Variants in LUZP2 observed in about 807,000 individuals in gnomAD.
LUZP2 encodes the protein leucine zipper protein 2.
Under a neutral mutation model 51.6 loss-of-function variants are expected in LUZP2, and 52 were observed. The observed-to-expected ratio is 1.01, with a 90% CI of 0.81 to 1.27. The LOEUF is 1.27. Among genes scored for constraint, LUZP2 ranks in the 50% most tolerant of loss-of-function variants. The probability of loss-of-function intolerance (pLI) is 0.00; values close to 1 mark genes in which losing one functional copy is unlikely to be tolerated. For missense variants in LUZP2, 436 were observed against 395.4 expected (o/e 1.10, Z -0.87); for synonymous variants, 154 against 137.3 (o/e 1.12, Z -0.85).
intron 9 of LUZP2, among the ~76,000 whole-genome samples, chr11:25,008,629 T>C (rs116865278): frequency 0.029 from 4,362 of 152,236 alleles, 93 homozygotes; most frequent in Non-Finnish European, 0.042. Context: ...TCCCAGCTGC[T>C]TTTCCTCAGG....
Position 24,893,772 on chromosome 11 carries a change from G to GCA in LUZP2, c.397-12193_397-12192dup, listed in dbSNP as rs34127798. Among the ~76,000 whole-genome samples, 1,380 of 149,520 alleles carry GCA rather than the reference G, an allele frequency of 9.2e-3. 25 individuals are homozygous for GCA. Among genetic ancestry groups the GCA allele is most frequent in the African/African-American group, 0.031 (1,256 of 40,650 alleles). On this transcript the variant is annotated intron_variant, in intron 5 of 11. Transcript: ENST00000336930. ...CACAAACACATGCACAAATACACAC[G>GCA]CACACACACACACACACACACACAC... is the stretch of plus-strand genomic sequence containing the variant.
chr11:24,726,531 C>A (rs954177290), intron 1 of LUZP2, among the ~76,000 whole-genome samples: 2 of 151,528 alleles, frequency 1.3e-5, no homozygotes, highest in Admixed American at 6.6e-5. Flanking sequence ...CTACTCCCCC[C>A]ACCAAAAAAA....
intron 1 of LUZP2, among the ~76,000 whole-genome samples, chr11:24,625,602 G>A (rs957650045): frequency 6.6e-6 from 1 of 151,754 alleles, no homozygotes; most frequent in Non-Finnish European, 1.5e-5. Flanking sequence ...ATGTTGTCAG[G>A]AAATTACAAA....
chr11:24,880,363 A>G (rs1396025542), intron 5 of LUZP2, among the ~76,000 whole-genome samples: 3 of 151,920 alleles, frequency 2.0e-5, no homozygotes. Context: ...CTGTTTTCCT[A>G]CTTCTTCGGT....
In LUZP2 at chr11:24,573,300, A is replaced by G. The variant is rs1448743987; in HGVS notation, c.62+75995A>G. Among the ~76,000 whole-genome samples the G allele has an allele frequency of 7.2e-5, 11 of 152,040 alleles. No individual in the cohort carries two copies. In the East Asian group the frequency reaches 1.9e-3, roughly 27 times the overall value. ...TTCTTACAAGGATTGCAAAGCCAGT[A>G]TATTAACTCAGAGCTTGTACATCAC... is the stretch of plus-strand genomic sequence containing the variant. On this transcript the variant is annotated intron_variant, in intron 1 of 11. Transcript: ENST00000336930.
chr11:25,012,439 A>C (rs2133959867), intron 9 of LUZP2, among the ~76,000 whole-genome samples: 1 of 152,274 alleles, frequency 6.6e-6, no homozygotes, highest in East Asian at 1.9e-4. Flanking sequence ...TATTCTTTAG[A>C]ACTAGAAAGG....
intron 1 of LUZP2, among the ~76,000 whole-genome samples, chr11:24,650,409 C>T (rs1481726882): frequency 6.6e-6 from 1 of 151,988 alleles, no homozygotes; most frequent in Non-Finnish European, 1.5e-5. Context: ...TGCAACAACA[C>T]ACACAGACAC....
At chr11:24,514,983 G>A (rs1224412587) in intron 1 of LUZP2, among the ~76,000 whole-genome samples, 6 of 152,146 alleles carry the variant, frequency 3.9e-5, no homozygotes, top group Non-Finnish European at 5.9e-5. Context: ...TAAGACCAAA[G>A]GGTGTGGTGA....
At chr11:24,607,005 G>C (rs12288564) in intron 1 of LUZP2, among the ~76,000 whole-genome samples, 2,525 of 151,816 alleles carry the variant, frequency 0.017, 73 homozygotes, top group African/African-American at 0.057. Flanking sequence ...TAGTTGTTTT[G>C]CTGCTGAATT....
At chr11:24,562,493 G>T (rs1011367713) in intron 1 of LUZP2, among the ~76,000 whole-genome samples, 1 of 151,746 alleles carries the variant, frequency 6.6e-6, no homozygotes, top group Admixed American at 6.6e-5. Flanking sequence ...AAGAAACCCA[G>T]GTATAAGAGA....
Position 24,906,067 on chromosome 11 carries a change from T to A in LUZP2, c.459+14T>A. The A allele has an allele frequency of 6.2e-7, 1 of 1,606,944 alleles. No homozygotes were observed. The highest frequency in any genetic ancestry group is 8.5e-7 in the Non-Finnish European group (1 of 1,174,394). On this transcript the variant is annotated intron_variant, in intron 6 of 11. Coordinates refer to ENST00000336930, the MANE Select transcript of LUZP2 (RefSeq NM_001009909.4). ...CACGCAGAAGAGGTGAGTAAATTTT[T>A]GCTTCTTCTAGCTTTAACCAGATAA...
chr11:24,979,199 A>T (rs368843431), intron 8 of LUZP2, among the ~76,000 whole-genome samples: 8 of 151,844 alleles, frequency 5.3e-5, no homozygotes, highest in Non-Finnish European at 1.2e-4. Flanking sequence ...TTGTTACTGA[A>T]TGAGATCACA....
At chr11:24,600,453 C>T (rs1213945863) in intron 1 of LUZP2, among the ~76,000 whole-genome samples, 2 of 151,988 alleles carry the variant, frequency 1.3e-5, no homozygotes, top group Non-Finnish European at 2.9e-5. Context: ...TATTATGAAG[C>T]AATAGGAAAC....
chr11:24,566,604 A>G (rs1356870328), intron 1 of LUZP2, among the ~76,000 whole-genome samples: 1 of 115,334 alleles, frequency 8.7e-6, no homozygotes, highest in Non-Finnish European at 1.8e-5. Context: ...GTATATATAT[A>G]TGTATGTATG....
chr11:24,849,116 G>A (rs896085822), intron 5 of LUZP2, among the ~76,000 whole-genome samples: 6 of 138,468 alleles, frequency 4.3e-5, no homozygotes, highest in Non-Finnish European at 9.5e-5. Context: ...TCTGTGACAG[G>A]ATACTCATTT....
At chr11:24,681,592 A>AT (rs1241410819) in intron 1 of LUZP2, among the ~76,000 whole-genome samples, 1 of 152,160 alleles carries the variant, frequency 6.6e-6, no homozygotes, top group Non-Finnish European at 1.5e-5. Flanking sequence ...ATCTGTTCTA[A>AT]TTGTAGTCTT....
At chr11:24,827,318 A>T (rs1850573184) in intron 5 of LUZP2, among the ~76,000 whole-genome samples, 1 of 152,196 alleles carries the variant, frequency 6.6e-6, no homozygotes, top group Admixed American at 6.5e-5. Context: ...CAGGCCCAAG[A>T]TAACTTACAA....
intron 7 of LUZP2, among the ~76,000 whole-genome samples, chr11:24,953,648 A>G (rs1457055644): frequency 6.6e-6 from 1 of 152,000 alleles, no homozygotes; most frequent in African/African-American, 2.4e-5. Flanking sequence ...GTAAATACAG[A>G]GACTTTTCAG....
chr11:24,825,608 T>C (rs1042353670), intron 5 of LUZP2, among the ~76,000 whole-genome samples: 10 of 152,198 alleles, frequency 6.6e-5, no homozygotes, highest in Admixed American at 6.5e-4. Flanking sequence ...AGGTAGACTT[T>C]TATTTTGTTC....
Sources: gnomAD v4.1 joint callset for allele counts (sites outside exome capture counted in the v4.1 genomes callset) on GRCh38, gnomAD v4.1.1 for gene constraint, MANE v1.5 for transcripts, NCBI Gene and HGNC (gene_info 2026-07-23, HGNC 2026-07-21) for gene names.